The following SCG5 variants were observed in gnomAD, a reference collection of about 807,000 sequenced individuals.
The protein encoded by SCG5 is neuroendocrine protein 7B2.
In SCG5, 18 loss-of-function variants were observed where a neutral mutation model predicts 25.7. The ratio of observed to expected loss-of-function variants is 0.70; its 90% CI spans 0.48 to 1.04. The LOEUF (loss-of-function observed/expected upper bound fraction) is 1.04. SCG5 is among the 50% of genes least tolerant of loss of function. The pLI is 0.00. For synonymous variants in SCG5, 101 were observed against 91.7 expected, an observed-to-expected ratio of 1.10 and a Z score of -0.58; for missense variants, 206 against 259.8, an observed-to-expected ratio of 0.79 and a Z score of 1.42.
At chr15:32,691,498 C>T (rs1372614628) in intron 4 of SCG5, among the ~76,000 whole-genome samples, 1 of 152,186 alleles carries the variant, frequency 6.6e-6, no homozygotes, top group South Asian at 2.1e-4. Context: ...TGCCTCAGGG[C>T]ATTGCAGAGG....
At chr15:32,648,786 A>ATTTT (rs1322494174) in intron 2 of SCG5, among the ~76,000 whole-genome samples, 67 of 120,294 alleles carry the variant, frequency 5.6e-4, no homozygotes, top group Admixed American at 1.2e-3. Flanking sequence ...TTTTTTTTAA[A>ATTTT]AAAAAAACAG....
At chr15:32,684,423 G>A in intron 3 of SCG5, 134 bp from the exon 4 acceptor site, 1 of 626,414 alleles carries the variant, frequency 1.6e-6, no homozygotes, top group African/African-American at 1.8e-5. Context: ...AGGGAAGGTG[G>A]CTGCTAGTGT....
rs749671545 is a variant in SCG5, at chr15:32,694,486, T to G, written c.544-2028T>G. Among the ~76,000 whole-genome samples the G allele has an allele frequency of 2.6e-5, 4 of 152,358 alleles. No individual in the cohort carries two copies. The South Asian group carries it at 6.2e-4, about 24-fold the overall frequency. On this transcript the variant is annotated intron_variant, in intron 5 of 5. Coordinates refer to ENST00000300175, the MANE Select transcript of SCG5 (RefSeq NM_001144757.3). Reference sequence around the variant, plus strand: ...ATTTGAGCTCTACTATTGATCTTATTTAAACAGTTTATGAACCTTTTAATC... The same window carrying G: ...ATTTGAGCTCTACTATTGATCTTATGTAAACAGTTTATGAACCTTTTAATC...
At position 32,648,637 on chromosome 15, in the gene SCG5, T is replaced by C. The variant is rs142871377; in HGVS notation, c.226+4819T>C. ...TTCCCACCTCAAGGCTATCAACACATTGGATGGGATCAACAATGGGAGGCT... is the reference window on the plus strand; with the variant it reads ...TTCCCACCTCAAGGCTATCAACACACTGGATGGGATCAACAATGGGAGGCT... On this transcript the variant is annotated intron_variant, in intron 2 of 5. Coordinates refer to ENST00000300175, the MANE Select transcript of SCG5 (RefSeq NM_001144757.3). Among the ~76,000 whole-genome samples, 129 of 152,078 alleles carry C rather than the reference T, an allele frequency of 8.5e-4. 1 individual carries two copies. In the South Asian group the frequency reaches 0.011, roughly 13 times the overall value.
Position 32,643,718 on chromosome 15 carries a change from G to C in SCG5, c.126G>C (p.Arg42Ser), listed in dbSNP as rs781236977. Residue 42 changes from arginine to serine, a missense_variant, in exon 2 of 6, where the codon AGG becomes AGC. Transcript: ENST00000300175. ...PDRVSEADIQ[R>S]LLHGVMEQLG... ...GGGTCTCAGAAGCAGATATCCAGAG[G>C]CTGCTTCATGGTGTTATGGAGCAAT... is the stretch of plus-strand genomic sequence containing the variant. 1.7e-5 allele frequency: 27 copies of C among 1,613,814 alleles called. No homozygotes were observed. In the East Asian group the frequency reaches 5.3e-4, roughly 32 times the overall value.
intron 2 of SCG5, among the ~76,000 whole-genome samples, chr15:32,674,924 A>T (rs1344003305): frequency 6.6e-6 from 1 of 152,222 alleles, no homozygotes; most frequent in Non-Finnish European, 1.5e-5. Context: ...TTCTGACTCA[A>T]ATAAGACCAA....
intron 2 of SCG5, among the ~76,000 whole-genome samples, chr15:32,678,853 C>T (rs553198920): frequency 6.6e-6 from 1 of 152,144 alleles, no homozygotes; most frequent in Non-Finnish European, 1.5e-5. Context: ...GAATAGAGAC[C>T]ATGCAGCCAA....
rs143213193 is a variant in SCG5, at chr15:32,662,252, A to G, written c.227-17514A>G. Among the ~76,000 whole-genome samples the G allele has an allele frequency of 1.4e-4, 22 of 152,268 alleles. 1 individual carries two copies. In the East Asian group the frequency reaches 3.5e-3, roughly 24 times the overall value. On this transcript the variant is annotated intron_variant, in intron 2 of 5. Transcript: ENST00000300175. ...AATAATTGGGTCAAGCTCTGTACCTATTGTTTAGGCTGCATTTCCTACATA... is the reference window on the plus strand; with the variant it reads ...AATAATTGGGTCAAGCTCTGTACCTGTTGTTTAGGCTGCATTTCCTACATA...
chr15:32,653,415 A>G (rs2054064748), intron 2 of SCG5, among the ~76,000 whole-genome samples: 1 of 152,240 alleles, frequency 6.6e-6, no homozygotes, highest in African/African-American at 2.4e-5. Context: ...CTTGTGAAAT[A>G]TTCACTTCTA....
intron 2 of SCG5, among the ~76,000 whole-genome samples, chr15:32,664,252 A>G (rs2054285010): frequency 6.6e-6 from 1 of 152,184 alleles, no homozygotes. Context: ...GCCAGCTATT[A>G]GTAGTGTAGC....
chr15:32,680,316 C>T (rs1206745095), intron 3 of SCG5, among the ~76,000 whole-genome samples: 7 of 151,638 alleles, frequency 4.6e-5, no homozygotes, highest in Non-Finnish European at 1.0e-4. Flanking sequence ...CTGCCTCAGC[C>T]TCCCGAGTAC....
intron 5 of SCG5, among the ~76,000 whole-genome samples, chr15:32,694,040 G>A (rs940801986): frequency 2.0e-5 from 3 of 152,004 alleles, no homozygotes; most frequent in Non-Finnish European, 4.4e-5. Context: ...AACCTGGGAG[G>A]TGGAGTTTGC....
intron 4 of SCG5, among the ~76,000 whole-genome samples, chr15:32,686,549 TAGAA>T (rs1199591702): frequency 1.3e-5 from 2 of 152,138 alleles, no homozygotes; most frequent in East Asian, 1.9e-4. Flanking sequence ...GAATGCATTT[TAGAA>T]AGAAAGAAAA....
intron 5 of SCG5, chr15:32,692,133 A>G: frequency 1.8e-6 from 2 of 1,081,960 alleles, no homozygotes; most frequent in Non-Finnish European, 2.2e-6. Context: ...ACACATCTGC[A>G]TCAATTCTAT....
rs1319940162 is a variant in SCG5 at position 32,691,755 on chromosome 15, A to C, written c.535A>C (p.Lys179Gln). ...GAAGATGAAGGGAGGAGAGAGACGA[A>C]AGCGGAGGGTAACACGTGCCTGGCT... ...YEKMKGGERR[K>Q]RRSVNPYLQG... Residue 179 changes from lysine to glutamine, a missense_variant, in exon 5 of 6, where the codon AAG becomes CAG. Physicochemically the swap from Lys to Gln is moderately conservative, Grantham distance 53 (BLOSUM62 1). Coordinates refer to ENST00000300175, the MANE Select transcript of SCG5 (RefSeq NM_001144757.3). The C allele has an allele frequency of 1.9e-6, 3 of 1,612,672 alleles. No homozygotes were observed. The highest frequency in any genetic ancestry group is 2.7e-5 in the African/African-American group (2 of 75,006).
At chr15:32,680,102 C>T (rs914090068) in intron 3 of SCG5, among the ~76,000 whole-genome samples, 187 bp downstream of exon 3, 6 of 152,076 alleles carry the variant, frequency 3.9e-5, no homozygotes, top group Non-Finnish European at 7.3e-5. Context: ...TGTTCAGACA[C>T]ACCCACATAG....
At chr15:32,688,023 A>G (rs1302644288) in intron 4 of SCG5, among the ~76,000 whole-genome samples, 2 of 152,212 alleles carry the variant, frequency 1.3e-5, no homozygotes, top group Non-Finnish European at 2.9e-5. Flanking sequence ...CTCACTTTCC[A>G]GATGAGAAAA....
intron 2 of SCG5, among the ~76,000 whole-genome samples, chr15:32,659,500 C>T (rs1297358556): frequency 6.6e-6 from 1 of 152,196 alleles, no homozygotes; most frequent in Admixed American, 6.5e-5. Flanking sequence ...CTAAAATAAC[C>T]ATAGCAATAG....
At chr15:32,655,168 C>T (rs35796287) in intron 2 of SCG5, among the ~76,000 whole-genome samples, 19,170 of 152,076 alleles carry the variant, frequency 0.13, 1,407 homozygotes, top group East Asian at 0.26. Flanking sequence ...ATTAGCTGGA[C>T]GTGGTGGCGG....
Sources: gnomAD v4.1 joint callset for allele counts (sites outside exome capture counted in the v4.1 genomes callset) on GRCh38, gnomAD v4.1.1 for gene constraint, MANE v1.5 for transcripts, NCBI Gene and HGNC (gene_info 2026-07-23, HGNC 2026-07-21) for gene names.